Variants in PRR16 observed in about 807,000 individuals in gnomAD.
PRR16 encodes the protein protein Largen.
PRR16 carries 6 observed loss-of-function variants against 18.2 expected under a neutral mutation model. The observed-to-expected ratio is 0.33, with a 90% CI of 0.18 to 0.65. PRR16 has a LOEUF of 0.65. Ranked by LOEUF, PRR16 falls within the 30% of genes least tolerant of loss-of-function variation. The pLI is 0.74. For synonymous variants in PRR16, 151 were observed against 147.8 expected, an observed-to-expected ratio of 1.02 and a Z score of -0.16; for missense variants, 412 against 376.6, an observed-to-expected ratio of 1.09 and a Z score of -0.78.
chr5:120,651,199 T>C (rs909126869), intron 1 of PRR16, among the ~76,000 whole-genome samples: 3 of 152,160 alleles, frequency 2.0e-5, no homozygotes, highest in African/African-American at 7.2e-5. Flanking sequence ...TGTCAATTTG[T>C]TTGAGTTCAT....
At chr5:120,720,498 A>G in the PRR16 span, among the ~76,000 whole-genome samples, 1 of 152,044 alleles carries the variant, frequency 6.6e-6, no homozygotes, top group Non-Finnish European at 1.5e-5. Flanking sequence ...CCCAAGACAC[A>G]TCAGAATTGT....
chr5:120,661,491 A>G (rs1159625167), intron 1 of PRR16, among the ~76,000 whole-genome samples: 1 of 152,128 alleles, frequency 6.6e-6, no homozygotes. Flanking sequence ...CAGAGAAATT[A>G]GCCTCTTGAA....
chr5:120,515,774 G>T (rs1750969817), intron 1 of PRR16, among the ~76,000 whole-genome samples: 1 of 152,222 alleles, frequency 6.6e-6, no homozygotes, highest in Non-Finnish European at 1.5e-5. Context: ...TAGAAGTACA[G>T]TGTGCCTTGT....
chr5:120,645,223 A>T (rs1473278183), intron 1 of PRR16, among the ~76,000 whole-genome samples: 1 of 152,062 alleles, frequency 6.6e-6, no homozygotes, highest in Admixed American at 6.6e-5. Context: ...TGTCATCATA[A>T]ATTTTCAACG....
At chr5:120,557,913 G>A (rs1391647435) in intron 1 of PRR16, among the ~76,000 whole-genome samples, 1 of 151,788 alleles carries the variant, frequency 6.6e-6, no homozygotes, top group East Asian at 1.9e-4. Flanking sequence ...AGAGGGGGAG[G>A]ACGTAAGGTG....
intron 1 of PRR16, among the ~76,000 whole-genome samples, chr5:120,649,155 A>T (rs1204516613): frequency 6.6e-6 from 1 of 152,122 alleles, no homozygotes; most frequent in Non-Finnish European, 1.5e-5. Flanking sequence ...AGAAGATATA[A>T]CTTAAGTCAT....
At chr5:120,725,322 A>G in the PRR16 span, among the ~76,000 whole-genome samples, 1 of 138,528 alleles carries the variant, frequency 7.2e-6, no homozygotes, top group East Asian at 2.0e-4. Flanking sequence ...TTTTTTTTCC[A>G]TATTCAAGAC....
At chr5:120,676,249 G>A (rs1201883883) in intron 1 of PRR16, among the ~76,000 whole-genome samples, 1 of 152,036 alleles carries the variant, frequency 6.6e-6, no homozygotes, top group Non-Finnish European at 1.5e-5. Context: ...CATGTATCAC[G>A]ATGACTTTAT....
At chr5:120,787,860 T>C in the PRR16 span, among the ~76,000 whole-genome samples, 7 of 152,064 alleles carry the variant, frequency 4.6e-5, no homozygotes, top group African/African-American at 1.7e-4. Flanking sequence ...AGCATAAATA[T>C]CTACTTTTAC....
At chr5:120,624,042 A>G (rs369831606) in intron 1 of PRR16, among the ~76,000 whole-genome samples, 58 of 152,300 alleles carry the variant, frequency 3.8e-4, no homozygotes, top group Admixed American at 5.2e-4. Flanking sequence ...ATGCATCACT[A>G]TCTTCCCAAG....
chr5:120,735,184 C>T, the PRR16 span, among the ~76,000 whole-genome samples: 5 of 152,188 alleles, frequency 3.3e-5, no homozygotes, highest in African/African-American at 1.2e-4. Context: ...TACCACTTGA[C>T]AGAATTTCCT....
At chr5:120,480,469 C>T (rs1211872167) in intron 1 of PRR16, among the ~76,000 whole-genome samples, 5 of 152,070 alleles carry the variant, frequency 3.3e-5, no homozygotes, top group Non-Finnish European at 1.5e-5. Context: ...CCATCCAAGA[C>T]AATTTTTGCT....
intron 1 of PRR16, among the ~76,000 whole-genome samples, chr5:120,547,090 G>T (rs1752098169): frequency 6.6e-6 from 1 of 152,078 alleles, no homozygotes; most frequent in Admixed American, 6.5e-5. Flanking sequence ...TGGTGCTGGA[G>T]GGAAGTGGGA....
chr5:120,713,572 C>G, the PRR16 span, among the ~76,000 whole-genome samples: 2 of 151,930 alleles, frequency 1.3e-5, no homozygotes, highest in Non-Finnish European at 2.9e-5. Context: ...AATTTTAAAA[C>G]TTGTGTGATT....
intron 1 of PRR16, among the ~76,000 whole-genome samples, chr5:120,511,093 A>G (rs780655173): frequency 1.1e-4 from 16 of 152,334 alleles, no homozygotes; most frequent in Non-Finnish European, 2.4e-4. Flanking sequence ...GCAGAATGTC[A>G]GTGTATTAAA....
intron 1 of PRR16, among the ~76,000 whole-genome samples, chr5:120,640,138 A>T (rs59166325): frequency 1.9e-4 from 29 of 151,878 alleles, no homozygotes; most frequent in African/African-American, 3.9e-4. Flanking sequence ...GAACTACTAG[A>T]GGGGGTAGGG....
rs542590132 is a variant in PRR16, at chr5:120,509,223, T to C, written c.159+44578T>C. Among the ~76,000 whole-genome samples, 9 of 152,276 alleles carry C rather than the reference T, an allele frequency of 5.9e-5. No homozygotes were observed. The South Asian group carries it at 6.2e-4, about 11-fold the overall frequency. On this transcript the variant is annotated intron_variant, in intron 1 of 1. Coordinates refer to ENST00000407149, the MANE Select transcript of PRR16 (RefSeq NM_001300783.2). ...TGTAAATACTTTAGCTCACATGGTT[T>C]ATAAGCACCACAGGCCCTCTATGGT...
chr5:120,577,604 G>A (rs961355836), intron 1 of PRR16, among the ~76,000 whole-genome samples: 1 of 152,070 alleles, frequency 6.6e-6, no homozygotes, highest in African/African-American at 2.4e-5. Context: ...AATGCCACAG[G>A]AAAGAACACA....
chr5:120,741,124 TA>T, the PRR16 span, among the ~76,000 whole-genome samples: 3 of 152,008 alleles, frequency 2.0e-5, no homozygotes, highest in Non-Finnish European at 4.4e-5. Flanking sequence ...TATTTTAAAT[TA>T]AAAATTTTTT....
Sources: gnomAD v4.1 joint callset for allele counts (sites outside exome capture counted in the v4.1 genomes callset) on GRCh38, gnomAD v4.1.1 for gene constraint, MANE v1.5 for transcripts, NCBI Gene and HGNC (gene_info 2026-07-23, HGNC 2026-07-21) for gene names.